The following PHACTR1 variants were observed in gnomAD, a reference collection of about 807,000 sequenced individuals.
The protein encoded by PHACTR1 is RPEL repeat containing 1.
A neutral mutation model predicts 69.2 loss-of-function variants in PHACTR1; 16 were observed. The observed-to-expected ratio is 0.23, with a 90% CI of 0.16 to 0.35. The LOEUF (loss-of-function observed/expected upper bound fraction) is 0.35, where lower values mean the gene tolerates loss of function less well. PHACTR1 is among the 10% of genes least tolerant of loss of function. The pLI is 1.00. For synonymous variants in PHACTR1, 312 were observed against 284.5 expected, an observed-to-expected ratio of 1.10 and a Z score of -0.97; for missense variants, 510 against 734.7, an observed-to-expected ratio of 0.69 and a Z score of 3.54.
rs576581411 is a variant in PHACTR1 at position 12,905,274 on chromosome 6, C to T, written c.251-148091C>T. Among the ~76,000 whole-genome samples, 24 of 152,272 alleles carry T rather than the reference C, an allele frequency of 1.6e-4. No homozygotes were observed. The Middle Eastern group carries it at 0.014, about 86-fold the overall frequency. On this transcript the variant is annotated intron_variant, in intron 4 of 14. Coordinates refer to ENST00000332995, the MANE Select transcript of PHACTR1 (RefSeq NM_030948.6). ...AAGTCAAAGGTTTGGTGGTAAACAACCACTGAAGCACATTTTCAAGGTAAG... is the reference window on the plus strand; with the variant it reads ...AAGTCAAAGGTTTGGTGGTAAACAATCACTGAAGCACATTTTCAAGGTAAG...
chr6:12,793,530 A>C (rs933492781), intron 4 of PHACTR1, among the ~76,000 whole-genome samples: 1 of 152,220 alleles, frequency 6.6e-6, no homozygotes, highest in Admixed American at 6.5e-5. Context: ...ATCACAGAGA[A>C]AATAAAATTT....
intron 4 of PHACTR1, among the ~76,000 whole-genome samples, chr6:12,782,456 A>G (rs528904446): frequency 2.5e-4 from 38 of 152,280 alleles, no homozygotes; most frequent in African/African-American, 8.4e-4. Flanking sequence ...ATCAGCTTGC[A>G]TTTCTCATGT....
At chr6:12,967,241 C>G (rs745626438) in intron 4 of PHACTR1, among the ~76,000 whole-genome samples, 1 of 152,176 alleles carries the variant, frequency 6.6e-6, no homozygotes, top group Non-Finnish European at 1.5e-5. Flanking sequence ...TGGGCTCCTT[C>G]CTTGTTTCTC....
At chr6:12,769,022 A>G (rs914916707) in intron 4 of PHACTR1, among the ~76,000 whole-genome samples, 3 of 152,116 alleles carry the variant, frequency 2.0e-5, no homozygotes, top group Non-Finnish European at 4.4e-5. Flanking sequence ...TTGATTTCAT[A>G]TTAGCAGAGA....
intron 8 of PHACTR1, among the ~76,000 whole-genome samples, chr6:13,211,698 A>T (rs1766870633): frequency 6.6e-6 from 1 of 152,094 alleles, no homozygotes; most frequent in Non-Finnish European, 1.5e-5. Flanking sequence ...TCTGGTCCAC[A>T]CTGTACATAC....
chr6:12,890,336 A>G (rs1177847195), intron 4 of PHACTR1, among the ~76,000 whole-genome samples: 1 of 151,986 alleles, frequency 6.6e-6, no homozygotes, highest in East Asian at 1.9e-4. Flanking sequence ...CAGGCCTCCT[A>G]CTATGCTTTC....
intron 4 of PHACTR1, among the ~76,000 whole-genome samples, chr6:12,951,731 G>T (rs915550069): frequency 1.3e-5 from 2 of 152,208 alleles, no homozygotes; most frequent in Non-Finnish European, 2.9e-5. Flanking sequence ...GCCTGTGCAA[G>T]TCTGAGGCTA....
At chr6:12,872,422 A>G (rs1278457418) in intron 4 of PHACTR1, among the ~76,000 whole-genome samples, 2 of 152,164 alleles carry the variant, frequency 1.3e-5, no homozygotes, top group African/African-American at 4.8e-5. Flanking sequence ...AACTTAAGAA[A>G]GGGATAATAT....
At chr6:13,054,572 A>T (rs1806494868) in intron 5 of PHACTR1, among the ~76,000 whole-genome samples, 2 of 152,214 alleles carry the variant, frequency 1.3e-5, no homozygotes, top group South Asian at 4.1e-4. Context: ...ATCTTGCTGT[A>T]CACTCACATC....
At chr6:12,887,175 G>C (rs1405644698) in intron 4 of PHACTR1, among the ~76,000 whole-genome samples, 2 of 152,164 alleles carry the variant, frequency 1.3e-5, no homozygotes, top group Admixed American at 1.3e-4. Context: ...AAGTTTGGGA[G>C]AATCAAGGCC....
intron 3 of PHACTR1, among the ~76,000 whole-genome samples, chr6:12,742,925 A>G (rs1765238389): frequency 6.6e-6 from 1 of 152,180 alleles, no homozygotes; most frequent in Non-Finnish European, 1.5e-5. Context: ...ATTCCTACAC[A>G]AAGAGTACAA....
chr6:13,021,848 T>A (rs1393020188), intron 4 of PHACTR1, among the ~76,000 whole-genome samples: 1 of 152,244 alleles, frequency 6.6e-6, no homozygotes, highest in Non-Finnish European at 1.5e-5. Context: ...GTATTTATAT[T>A]ACACTTTATA....
chr6:12,854,838 A>G (rs976485841), intron 4 of PHACTR1, among the ~76,000 whole-genome samples: 1 of 152,214 alleles, frequency 6.6e-6, no homozygotes, highest in Non-Finnish European at 1.5e-5. Context: ...CTACAATGGG[A>G]TAGTATCTCA....
At position 12,757,109 on chromosome 6, in the gene PHACTR1, C is replaced by T. The variant is rs190028535; in HGVS notation, c.250+7319C>T. 5.3e-4 allele frequency among the ~76,000 whole-genome samples: 80 copies of T among 152,158 alleles called. 1 individual carries two copies. The East Asian group carries it at 0.012, about 23-fold the overall frequency. On this transcript the variant is annotated intron_variant, in intron 4 of 14. Transcript: ENST00000332995. Reference sequence around the variant, plus strand: ...ATGAATAAGGCAGACTAAGAGGGTACGGCATATGGGAGCAGGAAGAGGAGA... The same window carrying T: ...ATGAATAAGGCAGACTAAGAGGGTATGGCATATGGGAGCAGGAAGAGGAGA...
At chr6:12,950,223 A>C (rs1433184594) in intron 4 of PHACTR1, among the ~76,000 whole-genome samples, 2 of 152,218 alleles carry the variant, frequency 1.3e-5, no homozygotes, top group African/African-American at 4.8e-5. Flanking sequence ...CCCTCCATGC[A>C]GGCTAAGTTG....
At chr6:13,102,873 G>A (rs1344798580) in intron 5 of PHACTR1, among the ~76,000 whole-genome samples, 1 of 152,102 alleles carries the variant, frequency 6.6e-6, no homozygotes, top group Admixed American at 6.5e-5. Context: ...AATCTCTAAC[G>A]TGACAGACAG....
At chr6:13,140,548 A>G (rs1234959508) in intron 5 of PHACTR1, among the ~76,000 whole-genome samples, 1 of 152,228 alleles carries the variant, frequency 6.6e-6, no homozygotes, top group Non-Finnish European at 1.5e-5. Flanking sequence ...AAAGACAAAT[A>G]CTGTATGATT....
intron 10 of PHACTR1, among the ~76,000 whole-genome samples, chr6:13,251,379 C>G (rs73357184): frequency 6.6e-6 from 1 of 152,160 alleles, no homozygotes; most frequent in Non-Finnish European, 1.5e-5. Flanking sequence ...AGGGACATTA[C>G]GGTCACGGGT....
intron 4 of PHACTR1, among the ~76,000 whole-genome samples, chr6:12,928,382 G>C (rs1449579315): frequency 6.6e-6 from 1 of 152,084 alleles, no homozygotes; most frequent in East Asian, 1.9e-4. Context: ...CACCACCTAC[G>C]AACGGGACTG....
Sources: allele counts gnomAD v4.1 joint callset (sites outside exome capture counted in the v4.1 genomes callset), GRCh38; gene constraint gnomAD v4.1.1; transcripts MANE v1.5; gene names NCBI Gene and HGNC (gene_info 2026-07-23, HGNC 2026-07-21).